Variants in UMODL1 observed in about 807,000 individuals in gnomAD.
The protein encoded by UMODL1 is uromodulin-like 1.
A neutral mutation model predicts 136.3 loss-of-function variants in UMODL1; 128 were observed. That is an observed-to-expected ratio of 0.94 (90% CI 0.81 to 1.09). The LOEUF is 1.09. UMODL1 is among the 50% of genes least tolerant of loss of function. The pLI is 0.00. For missense variants in UMODL1, 1,766 were observed against 1,725.6 expected, an observed-to-expected ratio of 1.02 and a Z score of -0.41; for synonymous variants, 721 against 720.0, an observed-to-expected ratio of 1.00 and a Z score of -0.02.
At position 42,123,743 on chromosome 21, in the gene UMODL1, T is replaced by C. The variant is rs2067012707; in HGVS notation, c.3147+593T>C. ...GAATGTGTCTATGTGCATGTGTGCA[T>C]GTGTGCGTGAGTTGAGCATGTGTGG... On this transcript the variant is annotated intron_variant, in intron 17 of 22. Coordinates refer to ENST00000408910, the MANE Select transcript of UMODL1 (RefSeq NM_001004416.3). This position sits in a 1 kb window ranked among gnomAD's most constrained non-coding sequence, Gnocchi z 4.4. Among the ~76,000 whole-genome samples the C allele has an allele frequency of 6.6e-6, 1 of 152,110 alleles. No homozygotes were observed. Among genetic ancestry groups the C allele is most frequent in the African/African-American group, 2.4e-5 (1 of 41,400 alleles).
intron 8 of UMODL1, chr21:42,102,898 C>T (rs1024811194): frequency 2.0e-5 from 3 of 153,020 alleles, no homozygotes; most frequent in African/African-American, 7.2e-5. Context: ...GCACAGCAGG[C>T]AGCATGCGTG....
At chr21:42,064,728 G>A in intron 1 of UMODL1, among the ~76,000 whole-genome samples, 1 of 152,050 alleles carries the variant, frequency 6.6e-6, no homozygotes. Context: ...GCTAATTTTT[G>A]TATTTTTAGT....
At chr21:42,064,004 C>T (rs1437829242) in intron 1 of UMODL1, among the ~76,000 whole-genome samples, 1 of 152,126 alleles carries the variant, frequency 6.6e-6, no homozygotes, top group Non-Finnish European at 1.5e-5. Context: ...CTGACTCGTA[C>T]ATTAGGATGT....
In UMODL1 at chr21:42,076,937, G is replaced by A. The variant is rs182867929; in HGVS notation, c.319+690G>A. Among the ~76,000 whole-genome samples the A allele has an allele frequency of 2.0e-4, 30 of 151,612 alleles. 1 individual carries two copies. In the East Asian group the frequency reaches 4.1e-3, roughly 21 times the overall value. The stretch of plus-strand genomic sequence containing the variant: ...GTTATGCCAGGCCAGGGTCTGAGCC[G>A]TTGGGATAGGGCAGGGACTCAGGGC... On this transcript the variant is annotated intron_variant, in intron 2 of 22. Coordinates refer to ENST00000408910, the MANE Select transcript of UMODL1 (RefSeq NM_001004416.3).
At chr21:42,104,993 C>T (rs2066695060) in intron 9 of UMODL1, among the ~76,000 whole-genome samples, 1 of 152,202 alleles carries the variant, frequency 6.6e-6, no homozygotes, top group Admixed American at 6.5e-5. Context: ...GAGTGGGCAC[C>T]TCTCTGGTCG....
chr21:42,128,199 G>A, intron 20 of UMODL1: 1 of 337,198 alleles, frequency 3.0e-6, no homozygotes, highest in Non-Finnish European at 5.7e-6. Context: ...CAACATTGAT[G>A]GAACATACTA....
intron 7 of UMODL1, among the ~76,000 whole-genome samples, chr21:42,100,263 G>A (rs2066610390): frequency 6.6e-6 from 1 of 152,160 alleles, no homozygotes; most frequent in South Asian, 2.1e-4. Context: ...TCTCAGCAGA[G>A]CGTACAGAGC....
chr21:42,107,844 T>TG, intron 9 of UMODL1, among the ~76,000 whole-genome samples: 1 of 152,290 alleles, frequency 6.6e-6, no homozygotes, highest in Middle Eastern at 3.4e-3. Context: ...GCACCTGGGC[T>TG]GGGAGTCTCT....
At chr21:42,110,835 G>A (rs570712539) in intron 10 of UMODL1, 45 bp from the exon 11 acceptor site, 34 of 1,533,836 alleles carry the variant, frequency 2.2e-5, no homozygotes, top group East Asian at 9.2e-5. Flanking sequence ...GCTCTTACTC[G>A]TGGGTGGGAT....
chr21:42,091,498 A>T (rs1209989929), intron 6 of UMODL1, among the ~76,000 whole-genome samples: 1 of 152,240 alleles, frequency 6.6e-6, no homozygotes, highest in Non-Finnish European at 1.5e-5. Context: ...TCTGAAATGT[A>T]GGAAGGTGCT....
chr21:42,064,114 G>A (rs977516037), intron 1 of UMODL1, among the ~76,000 whole-genome samples: 2 of 152,164 alleles, frequency 1.3e-5, no homozygotes, highest in African/African-American at 4.8e-5. Context: ...CAAGGCTGCT[G>A]GTGAATCAGA....
upstream of UMODL1, among the ~76,000 whole-genome samples, chr21:42,067,363 C>T (rs1021464676): frequency 6.6e-6 from 1 of 152,178 alleles, no homozygotes; most frequent in Non-Finnish European, 1.5e-5. Context: ...CACTCTAGTT[C>T]TAGAAGGCAT....
Position 42,142,483 on chromosome 21 carries a change from C to G in UMODL1, c.*409C>G, listed in dbSNP as rs1432120709. 2 of 152,268 alleles carry G rather than the reference C, an allele frequency of 1.3e-5. No homozygotes were observed. The highest frequency in any genetic ancestry group is 2.9e-5 in the Non-Finnish European group (2 of 68,058). The allele number at this position is 152,268 out of a possible 1,614,324, so 9.4% of individuals were successfully genotyped here. Reference sequence around the variant, plus strand: ...CAGAACCCTCCTGGGCTTGCCCTCCCTTGGCGTCCGTCACCCTTTGGCAAA... The same window carrying G: ...CAGAACCCTCCTGGGCTTGCCCTCCGTTGGCGTCCGTCACCCTTTGGCAAA... On this transcript the variant is annotated 3_prime_UTR_variant, in exon 23 of 23. Transcript: ENST00000408910.
In UMODL1 at chr21:42,090,353, C is replaced by T. The variant is rs762869049; in HGVS notation, c.846C>T (p.Cys282=). ...ATGCCTGCTCTGGAAGGGAACTGTGCGCAAACCTGGAGGGCTCGTACTGGT... is the reference window on the plus strand; with the variant it reads ...ATGCCTGCTCTGGAAGGGAACTGTGTGCAAACCTGGAGGGCTCGTACTGGT... ...ELNACSGREL[C]ANLEGSYWCV... is the part of the protein sequence containing the mutation. Residue 282 remains cysteine, a synonymous_variant, in exon 6 of 23, where the codon TGC becomes TGT. Coordinates refer to ENST00000408910, the MANE Select transcript of UMODL1 (RefSeq NM_001004416.3). 2.0e-5 allele frequency: 33 copies of T among 1,613,992 alleles called. No individual in the cohort carries two copies. The highest frequency in any genetic ancestry group is 1.6e-4 in the Middle Eastern group (1 of 6,084).
rs1314584814 is a variant in UMODL1 at position 42,099,842 on chromosome 21, G to C, written c.1186+662G>C. ...ACCACAGGCACACACCACCACACCA[G>C]GCTAAATTTTTTATTTTTCATAAGG... On this transcript the variant is annotated intron_variant, in intron 7 of 22. Coordinates refer to ENST00000408910, the MANE Select transcript of UMODL1 (RefSeq NM_001004416.3). This position sits in a 1 kb window ranked among gnomAD's most constrained non-coding sequence, Gnocchi z 4.1. 6.6e-6 allele frequency among the ~76,000 whole-genome samples: 1 copy of C among 152,116 alleles called. No homozygotes were observed. Among genetic ancestry groups the C allele is most frequent in the Non-Finnish European group, 1.5e-5 (1 of 68,006 alleles).
chr21:42,129,588 C>A, intron 20 of UMODL1, 125 bp from the exon 21 acceptor site: 1 of 856,254 alleles, frequency 1.2e-6, no homozygotes, highest in Non-Finnish European at 1.7e-6. Context: ...ACTCAGCCCC[C>A]TTGCCTTGCA....
intron 6 of UMODL1, among the ~76,000 whole-genome samples, chr21:42,096,068 T>C (rs912160994): frequency 1.3e-5 from 2 of 152,052 alleles, no homozygotes; most frequent in African/African-American, 4.8e-5. Flanking sequence ...GTTCCCTCAG[T>C]GTTTATGGTG....
At chr21:42,097,814 A>G (rs755712794) in intron 6 of UMODL1, among the ~76,000 whole-genome samples, 4 of 152,240 alleles carry the variant, frequency 2.6e-5, no homozygotes, top group Admixed American at 6.5e-5. Flanking sequence ...TACAGCCAGA[A>G]TGTTTTTAAC....
Position 42,121,081 on chromosome 21 carries a change from G to A in UMODL1, c.2690-6G>A. ...TCTTCTGTTTTGTCTTCTAAATGTTGTGCAGATTACGATGAGTGTGAAAGG... is the reference window on the plus strand; with the variant it reads ...TCTTCTGTTTTGTCTTCTAAATGTTATGCAGATTACGATGAGTGTGAAAGG... On this transcript the variant is annotated splice_region_variant and splice_polypyrimidine_tract_variant and intron_variant, in intron 15 of 22. Coordinates refer to ENST00000408910, the MANE Select transcript of UMODL1 (RefSeq NM_001004416.3). 1 of 1,611,576 alleles carries A rather than the reference G, an allele frequency of 6.2e-7. No individual in the cohort carries two copies. The highest frequency in any genetic ancestry group is 8.5e-7 in the Non-Finnish European group (1 of 1,178,734).
Sources: allele counts gnomAD v4.1 joint callset (sites outside exome capture counted in the v4.1 genomes callset), GRCh38; gene constraint gnomAD v4.1.1; non-coding constraint Gnocchi (gnomAD v3.1); transcripts MANE v1.5; gene names NCBI Gene and HGNC (gene_info 2026-07-23, HGNC 2026-07-21).